PTDSS2: variants seen among roughly 807,000 people sequenced by gnomAD.
PTDSS2 encodes phosphatidylserine synthase 2, also known as PSS-2.
Under a neutral mutation model 64.7 loss-of-function variants are expected in PTDSS2, and 41 were observed. That is an observed-to-expected ratio of 0.63 (90% CI 0.49 to 0.82). The LOEUF is 0.82. Among genes scored for constraint, PTDSS2 ranks in the 40% least tolerant of loss-of-function variants. PTDSS2 has a pLI of 0.00. For missense variants in PTDSS2, 485 were observed against 650.0 expected (o/e 0.75, Z 2.76); for synonymous variants, 297 against 277.8 (o/e 1.07, Z -0.69).
chr11:488,840 C>T (rs1848528015), intron 8 of PTDSS2, among the ~76,000 whole-genome samples, 193 bp downstream of exon 8: 1 of 152,224 alleles, frequency 6.6e-6, no homozygotes, highest in Non-Finnish European at 1.5e-5. Context: ...CTCACAGTGG[C>T]CATGGCGTCT....
intron 1 of PTDSS2, among the ~76,000 whole-genome samples, chr11:457,268 G>A (rs1042451185): frequency 3.3e-5 from 5 of 152,228 alleles, no homozygotes; most frequent in African/African-American, 1.2e-4. Context: ...CCCATGCACC[G>A]CCACAACCAC....
chr11:478,452 A>G (rs77505779), intron 3 of PTDSS2, among the ~76,000 whole-genome samples: 16 of 137,502 alleles, frequency 1.2e-4, no homozygotes, highest in African/African-American at 4.3e-4. Flanking sequence ...ACCTTGTCTC[A>G]AAAAAAAAAA....
chr11:466,884 GTC>G (rs1216589375), intron 2 of PTDSS2, among the ~76,000 whole-genome samples: 1 of 152,012 alleles, frequency 6.6e-6, no homozygotes, highest in Non-Finnish European at 1.5e-5. Context: ...GCAAAACCCC[GTC>G]TCTACAAAAA....
At chr11:488,340 G>A in intron 7 of PTDSS2, 28 bp downstream of exon 7, 1 of 1,572,118 alleles carries the variant, frequency 6.4e-7, no homozygotes, top group Non-Finnish European at 8.7e-7. Flanking sequence ...CCCCGGGGCA[G>A]TCGGTGCAGG....
chr11:458,285 G>A (rs1235534101), intron 1 of PTDSS2, among the ~76,000 whole-genome samples: 61 of 150,952 alleles, frequency 4.0e-4, no homozygotes, highest in Non-Finnish European at 6.6e-4. Flanking sequence ...GCTCACTGCA[G>A]GCTCCGCCTC....
rs539585708 is a variant in PTDSS2, at chr11:476,080, G to A, written c.367+2103G>A. 5.9e-5 allele frequency among the ~76,000 whole-genome samples: 9 copies of A among 152,312 alleles called. No individual in the cohort carries two copies. In the South Asian group the frequency reaches 6.2e-4, roughly 11 times the overall value. ...CCACAGAGGCCCTGAGCAGGGAGCC[G>A]TCCGGTGACCCAAGCAGGCTGGTCT... On this transcript the variant is annotated intron_variant, in intron 3 of 11. Coordinates refer to ENST00000308020, the MANE Select transcript of PTDSS2 (RefSeq NM_030783.3). The surrounding 1 kb of genome is among the most constrained non-coding windows in gnomAD (Gnocchi z 4.9).
At chr11:456,284 C>A (rs1300543696) in intron 1 of PTDSS2, among the ~76,000 whole-genome samples, 1 of 149,904 alleles carries the variant, frequency 6.7e-6, no homozygotes, top group Non-Finnish European at 1.5e-5. Flanking sequence ...GTAATCTCCC[C>A]TCACCCTCCC....
chr11:488,678 G>C (rs774190333), intron 8 of PTDSS2, 31 bp downstream of exon 8: 9 of 1,517,052 alleles, frequency 5.9e-6, no homozygotes, highest in African/African-American at 2.7e-5. Context: ...GGGCAGGGCC[G>C]GGTGGGGGTT....
intron 1 of PTDSS2, among the ~76,000 whole-genome samples, chr11:453,793 C>T (rs1051899990): frequency 6.6e-6 from 1 of 152,250 alleles, no homozygotes; most frequent in Non-Finnish European, 1.5e-5. Flanking sequence ...CTCGGCCTCC[C>T]TGCCCACCAT....
Position 490,733 on chromosome 11 carries a change from G to A in PTDSS2, c.*151G>A, listed in dbSNP as rs1325042397. Reference sequence around the variant, plus strand: ...CCTGGCGAGGCTGAAGGCGAGGGGTGGAGGAGGCCCCAGCACAGCCTCATC... The same window carrying A: ...CCTGGCGAGGCTGAAGGCGAGGGGTAGAGGAGGCCCCAGCACAGCCTCATC... On this transcript the variant is annotated 3_prime_UTR_variant, in exon 12 of 12. Coordinates refer to ENST00000308020, the MANE Select transcript of PTDSS2 (RefSeq NM_030783.3). 1.3e-6 allele frequency: 1 copy of A among 742,934 alleles called. No homozygotes were observed. Among genetic ancestry groups the A allele is most frequent in the East Asian group, 2.7e-5 (1 of 37,046 alleles). The allele number at this position is 742,934 out of a possible 1,614,324, so 46.0% of individuals were successfully genotyped here. A position where few individuals can be genotyped will look rare whatever the true frequency, so the allele number is the denominator to read the frequency against.
chr11:484,936 C>T (rs1375712426), intron 4 of PTDSS2, among the ~76,000 whole-genome samples: 12 of 141,844 alleles, frequency 8.5e-5, no homozygotes, highest in Admixed American at 5.0e-4. Flanking sequence ...GTAAACTGCA[C>T]GGGCGCGTGT....
Position 461,569 on chromosome 11 carries a change from G to A in PTDSS2, c.284+1281G>A, listed in dbSNP as rs1056046831. Among the ~76,000 whole-genome samples, 1 of 152,114 alleles carries A rather than the reference G, an allele frequency of 6.6e-6. No homozygotes were observed. The highest frequency in any genetic ancestry group is 1.5e-5 in the Non-Finnish European group (1 of 68,004). ...TCCTGGTCTCCCTACCCTGCTCCTG[G>A]CTGCATGCTCTGTGGGTTCTCTCCC... On this transcript the variant is annotated intron_variant, in intron 2 of 11. Transcript: ENST00000308020. The surrounding 1 kb of genome is among the most constrained non-coding windows in gnomAD (Gnocchi z 4.2).
intron 7 of PTDSS2, 51 bp from the exon 8 acceptor site, chr11:488,478 G>T: frequency 6.6e-7 from 1 of 1,511,236 alleles, no homozygotes; most frequent in Non-Finnish European, 9.2e-7. Flanking sequence ...GTCCTCCTCG[G>T]GGGGCTCGTT....
chr11:489,755 G>T, intron 10 of PTDSS2, 22 bp downstream of exon 10: 2 of 1,603,304 alleles, frequency 1.2e-6, no homozygotes, highest in Non-Finnish European at 1.7e-6. Context: ...GGCAGTCCGG[G>T]TGGAGACACC....
rs114709566 is a variant in PTDSS2 at position 472,872 on chromosome 11, G to A, written c.285-1023G>A. On this transcript the variant is annotated intron_variant, in intron 2 of 11. Coordinates refer to ENST00000308020, the MANE Select transcript of PTDSS2 (RefSeq NM_030783.3). ...TCACGGCAGCCAAAACCCAGAGGCC[G>A]CCCAGCGTGCGAACACGCCAAGGTG... 1.3e-3 allele frequency among the ~76,000 whole-genome samples: 198 copies of A among 152,328 alleles called. 1 individual carries two copies. The highest frequency in any genetic ancestry group is 4.5e-3 in the African/African-American group (189 of 41,590).
chr11:487,900 G>A (rs1848467448), intron 6 of PTDSS2, among the ~76,000 whole-genome samples: 1 of 152,220 alleles, frequency 6.6e-6, no homozygotes, highest in South Asian at 2.1e-4. Flanking sequence ...TGCTGGAGGG[G>A]CAGCCACCCA....
chr11:487,843 C>T (rs1286058610), intron 6 of PTDSS2, among the ~76,000 whole-genome samples: 3 of 152,210 alleles, frequency 2.0e-5, no homozygotes, highest in South Asian at 2.1e-4. Context: ...TGTCAGGCCC[C>T]GGGCACGGGG....
At chr11:482,280 T>C (rs1848108916) in intron 4 of PTDSS2, among the ~76,000 whole-genome samples, 1 of 149,980 alleles carries the variant, frequency 6.7e-6, no homozygotes, top group Non-Finnish European at 1.5e-5. Context: ...TGGAGTGCAG[T>C]GGCACGATCT....
At chr11:488,888 G>A (rs1848530461) in intron 8 of PTDSS2, among the ~76,000 whole-genome samples, 1 of 152,244 alleles carries the variant, frequency 6.6e-6, no homozygotes, top group Admixed American at 6.5e-5. Context: ...TGGCCGGCCT[G>A]GCGCAGGGGC....
Sources: allele counts gnomAD v4.1 joint callset (sites outside exome capture counted in the v4.1 genomes callset), GRCh38; gene constraint gnomAD v4.1.1; non-coding constraint Gnocchi (gnomAD v3.1); transcripts MANE v1.5; gene names NCBI Gene and HGNC (gene_info 2026-07-23, HGNC 2026-07-21).